The following WDR72 variants were observed in gnomAD, a reference collection of about 807,000 sequenced individuals.
WDR72 encodes the protein WD repeat domain 72.
WDR72 carries 120 observed loss-of-function variants against 124.2 expected under a neutral mutation model. That is an observed-to-expected ratio of 0.97 (90% CI 0.83 to 1.12). The LOEUF (loss-of-function observed/expected upper bound fraction) is 1.12. WDR72 is among the 50% of genes most tolerant of loss of function. The pLI is 0.00. For synonymous variants in WDR72, 452 were observed against 441.7 expected (o/e 1.02, Z -0.29); for missense variants, 1,387 against 1,278.8 (o/e 1.08, Z -1.29).
chr15:53,691,683 CA>C (rs1156572697), intron 13 of WDR72, among the ~76,000 whole-genome samples: 7 of 149,256 alleles, frequency 4.7e-5, no homozygotes, highest in African/African-American at 1.7e-4. Context: ...AGATGTTTAA[CA>C]AAAATAAAGC....
intron 16 of WDR72, 148 bp downstream of exon 16, chr15:53,613,518 C>A: frequency 1.7e-6 from 1 of 596,960 alleles, no homozygotes; most frequent in Non-Finnish European, 3.0e-6. Flanking sequence ...CCTAAAGCCA[C>A]ACAGCTAGTG....
intron 18 of WDR72, among the ~76,000 whole-genome samples, chr15:53,551,638 A>G (rs1199226056): frequency 6.6e-6 from 1 of 152,124 alleles, no homozygotes; most frequent in African/African-American, 2.4e-5. Flanking sequence ...ATTAAACACA[A>G]AAGTCAGTCC....
intron 1 of WDR72, among the ~76,000 whole-genome samples, chr15:53,746,377 T>C (rs999843770): frequency 2.0e-5 from 3 of 152,102 alleles, no homozygotes; most frequent in Admixed American, 6.6e-5. Flanking sequence ...CTCACAAACA[T>C]AGACAAATCT....
intron 13 of WDR72, among the ~76,000 whole-genome samples, chr15:53,694,337 C>G (rs1173061912): frequency 6.6e-6 from 1 of 152,202 alleles, no homozygotes; most frequent in East Asian, 1.9e-4. Flanking sequence ...TGCTTCTCCT[C>G]CCTTCCCATC....
At chr15:53,694,265 T>A (rs903866528) in intron 13 of WDR72, among the ~76,000 whole-genome samples, 1 of 152,186 alleles carries the variant, frequency 6.6e-6, no homozygotes, top group South Asian at 2.1e-4. Context: ...CATTTTTATA[T>A]TTTGGCAACT....
At chr15:53,605,192 C>T (rs1277993293) in intron 17 of WDR72, among the ~76,000 whole-genome samples, 2 of 152,196 alleles carry the variant, frequency 1.3e-5, no homozygotes, top group Admixed American at 6.5e-5. Context: ...TTTGCACTGA[C>T]ATGGATGGAG....
intron 14 of WDR72, among the ~76,000 whole-genome samples, chr15:53,646,905 G>C (rs1010930449): frequency 2.0e-5 from 3 of 152,070 alleles, no homozygotes; most frequent in African/African-American, 7.2e-5. Context: ...AAGGGTCTTT[G>C]TTGATAAATT....
At chr15:53,699,011 G>A (rs1000522245) in intron 13 of WDR72, among the ~76,000 whole-genome samples, 5 of 152,084 alleles carry the variant, frequency 3.3e-5, no homozygotes, top group Admixed American at 3.3e-4. Context: ...GGTGAAGTAT[G>A]GCTCTAAACT....
intron 18 of WDR72, among the ~76,000 whole-genome samples, chr15:53,568,968 G>A (rs972328800): frequency 7.2e-5 from 11 of 152,000 alleles, no homozygotes; most frequent in Non-Finnish European, 1.0e-4. Flanking sequence ...TATTTAGCTT[G>A]TAAAATAATG....
At chr15:53,633,345 G>A (rs1442459072) in intron 14 of WDR72, among the ~76,000 whole-genome samples, 3 of 152,270 alleles carry the variant, frequency 2.0e-5, no homozygotes, top group African/African-American at 2.4e-5. Flanking sequence ...CTTCTGCCAT[G>A]ATTAAGTTTT....
chr15:53,712,538 T>A (rs926745175), intron 7 of WDR72, among the ~76,000 whole-genome samples: 1 of 151,564 alleles, frequency 6.6e-6, no homozygotes, highest in African/African-American at 2.4e-5. Flanking sequence ...GAGGTTGCAG[T>A]GAGCTGAGAT....
At chr15:53,759,795 G>C (rs1039651896), upstream of WDR72, 2 of 148,912 alleles carry the variant, frequency 1.3e-5, no homozygotes, top group Admixed American at 6.9e-5. Flanking sequence ...CCGCCCGCGG[G>C]CGGGTGCACC....
At position 53,705,068 on chromosome 15, in the gene WDR72, C is replaced by T; in HGVS notation, c.1268G>A (p.Cys423Tyr). 3.1e-6 allele frequency: 5 copies of T among 1,614,096 alleles called. No homozygotes were observed. The highest frequency in any genetic ancestry group is 4.2e-6 in the Non-Finnish European group (5 of 1,180,002). ...GGTAATGATAATTGTCCCATCTTCA[C>T]AGCCACATATTAGTTTATCAAGACT... ...IPSLDKLICG[C>Y]EDGTIIITQA... Residue 423 changes from cysteine (C) to tyrosine (Y), a missense_variant, in exon 11 of 20, where the codon TGT becomes TAT. Transcript: ENST00000360509.
chr15:53,539,949 G>A (rs189415180), intron 18 of WDR72, among the ~76,000 whole-genome samples: 11 of 152,158 alleles, frequency 7.2e-5, no homozygotes, highest in African/African-American at 2.6e-4. Flanking sequence ...GGATAGACAG[G>A]ATATAAATAA....
At chr15:53,756,295 G>A (rs1373404893) in intron 1 of WDR72, among the ~76,000 whole-genome samples, 1 of 152,170 alleles carries the variant, frequency 6.6e-6, no homozygotes, top group African/African-American at 2.4e-5. Flanking sequence ...GCAACCCTAT[G>A]AAGAGGTGAC....
At chr15:53,699,211 T>C (rs1209605110) in intron 13 of WDR72, among the ~76,000 whole-genome samples, 6 of 152,212 alleles carry the variant, frequency 3.9e-5, no homozygotes, top group Non-Finnish European at 7.3e-5. Context: ...TCTCAATCTT[T>C]AGTTATTTAG....
chr15:53,760,453 T>A (rs1231265413), upstream of WDR72, among the ~76,000 whole-genome samples: 1 of 152,110 alleles, frequency 6.6e-6, no homozygotes, highest in Non-Finnish European at 1.5e-5. Context: ...GGTGCCTGGG[T>A]TATTTCACTT....
intron 1 of WDR72, among the ~76,000 whole-genome samples, chr15:53,757,429 C>A (rs1469023785): frequency 2.6e-5 from 4 of 152,062 alleles, no homozygotes. Flanking sequence ...TCGAGACCAG[C>A]CTGGTCAACA....
At chr15:53,642,990 C>G (rs1053195689) in intron 14 of WDR72, among the ~76,000 whole-genome samples, 1 of 152,062 alleles carries the variant, frequency 6.6e-6, no homozygotes, top group Admixed American at 6.6e-5. Flanking sequence ...TTTACCTCTT[C>G]TTTGTCCTCT....
Sources: gnomAD v4.1 joint callset for allele counts (sites outside exome capture counted in the v4.1 genomes callset) on GRCh38, gnomAD v4.1.1 for gene constraint, MANE v1.5 for transcripts, NCBI Gene and HGNC (gene_info 2026-07-23, HGNC 2026-07-21) for gene names.